The following SYNE1 variants were observed in gnomAD, a reference collection of about 807,000 sequenced individuals.
The protein encoded by SYNE1 is nesprin-1.
A neutral mutation model predicts 1,111.0 loss-of-function variants in SYNE1; 616 were observed. That is an observed-to-expected ratio of 0.55 (90% CI 0.52 to 0.59). The LOEUF (loss-of-function observed/expected upper bound fraction) is 0.59, where lower values mean the gene tolerates loss of function less well. Ranked by LOEUF, SYNE1 falls within the 20% of genes least tolerant of loss-of-function variation. The probability of loss-of-function intolerance (pLI) is 0.00; values close to 1 mark genes in which losing one functional copy is unlikely to be tolerated. For synonymous variants in SYNE1, 3,855 were observed against 3,825.8 expected, an observed-to-expected ratio of 1.01 and a Z score of -0.28; for missense variants, 10,006 against 10,417.0, an observed-to-expected ratio of 0.96 and a Z score of 1.72.
chr6:152,422,385 T>C (rs2098277042), intron 39 of SYNE1, among the ~76,000 whole-genome samples: 1 of 152,246 alleles, frequency 6.6e-6, no homozygotes. Flanking sequence ...TGATCTATTC[T>C]CAGGACTAAG....
intron 105 of SYNE1, 23 bp from the exon 106 acceptor site, chr6:152,244,679 T>C (rs1410747755): frequency 1.2e-6 from 2 of 1,613,582 alleles, no homozygotes; most frequent in Non-Finnish European, 1.7e-6. Flanking sequence ...CATGACATTT[T>C]ATTAAAACTC....
Position 152,234,733 on chromosome 6 carries a change from T to C in SYNE1, c.20464A>G (p.Thr6822Ala). The change falls in exon 111 of 146, where the codon ACT (threonine) becomes GCT (alanine). Residue 6822 changes from threonine to alanine, a missense_variant. Around this residue, in one of 7 missense-constraint regions of SYNE1, gnomAD observed 2,182 missense variants for 2,287.8 expected, o/e 0.95. Transcript: ENST00000367255. Reference sequence around the variant, plus strand: ...TGTGGGACTGTCACAGATTGCTGAGTCCAAAATTCTAGCCGGTCTTTTGCA... The same window carrying C: ...TGTGGGACTGTCACAGATTGCTGAGCCCAAAATTCTAGCCGGTCTTTTGCA... ...QSAKDRLEFW[T>A]QQSVTVPQEL... 1 of 1,614,194 alleles carries C rather than the reference T, an allele frequency of 6.2e-7. No homozygotes were observed. Among genetic ancestry groups the C allele is most frequent in the Non-Finnish European group, 8.5e-7 (1 of 1,180,028 alleles).
intron 3 of SYNE1, among the ~76,000 whole-genome samples, chr6:152,547,336 G>A (rs775725598): frequency 6.6e-6 from 1 of 152,242 alleles, no homozygotes; most frequent in Non-Finnish European, 1.5e-5. Flanking sequence ...AGGACACAAA[G>A]AGCCTATTAG....
At chr6:152,579,070 A>C (rs1348920227) in intron 3 of SYNE1, among the ~76,000 whole-genome samples, 4 of 152,210 alleles carry the variant, frequency 2.6e-5, no homozygotes, top group Non-Finnish European at 2.9e-5. Flanking sequence ...TTAGTAACTA[A>C]GAGTATTTCT....
rs1480694776 is a variant in SYNE1, at chr6:152,596,266, G to GTTTTTTT, written c.67+31998_67+31999insAAAAAAA. 6.7e-5 allele frequency among the ~76,000 whole-genome samples: 8 copies of GTTTTTTT among 118,732 alleles called. 1 individual carries two copies. Among genetic ancestry groups the GTTTTTTT allele is most frequent in the African/African-American group, 3.2e-4 (8 of 25,064 alleles). 77.9% of individuals were successfully genotyped at this position (118,732 alleles called of 152,430 possible). A position where few individuals can be genotyped will look rare whatever the true frequency, so the allele number is the denominator to read the frequency against. ...AAGTTATGATTACAGTTTTTTGTTT[G>GTTTTTTT]TTTGTTTTTTTTTTTTTTTGAGATG... On this transcript the variant is annotated intron_variant, in intron 3 of 145. Transcript: ENST00000367255.
chr6:152,210,593 T>C (rs2077346243), intron 124 of SYNE1, among the ~76,000 whole-genome samples: 1 of 152,008 alleles, frequency 6.6e-6, no homozygotes. Context: ...AAGACAAAAC[T>C]CTCAATAAAA....
At chr6:152,224,107 G>A (rs192052748) in intron 117 of SYNE1, among the ~76,000 whole-genome samples, 6 of 152,246 alleles carry the variant, frequency 3.9e-5, no homozygotes, top group Admixed American at 2.6e-4. Context: ...CACTTTTGCC[G>A]TTTTTCTCTG....
chr6:152,183,634 T>A (rs1044685270), intron 128 of SYNE1, among the ~76,000 whole-genome samples: 1 of 152,172 alleles, frequency 6.6e-6, no homozygotes, highest in Non-Finnish European at 1.5e-5. Context: ...CCCTTCAGAC[T>A]GAAGATGAAC....
intron 133 of SYNE1, among the ~76,000 whole-genome samples, chr6:152,152,901 T>G (rs1436382804): frequency 6.6e-6 from 1 of 152,178 alleles, no homozygotes; most frequent in Non-Finnish European, 1.5e-5. Context: ...GTTTAGAGAT[T>G]CTGAAGGTAA....
chr6:152,135,478 T>C (rs1036713593), intron 141 of SYNE1, among the ~76,000 whole-genome samples: 18 of 152,142 alleles, frequency 1.2e-4, no homozygotes, highest in Admixed American at 3.3e-4. Flanking sequence ...CAACATACGT[T>C]ATTTCTGAAA....
At chr6:152,225,616 A>G (rs886622739) in intron 116 of SYNE1, 105 bp downstream of exon 116, 10 of 1,357,564 alleles carry the variant, frequency 7.4e-6, no homozygotes, top group African/African-American at 1.4e-5. Flanking sequence ...GAGATAATGT[A>G]TAGATTTGAT....
chr6:152,553,109 C>G (rs1157580818), intron 3 of SYNE1, among the ~76,000 whole-genome samples: 1 of 152,034 alleles, frequency 6.6e-6, no homozygotes, highest in African/African-American at 2.4e-5. Context: ...TTGCAATAAC[C>G]GTATGAGAAA....
chr6:152,159,788 T>C (rs1458995346), intron 131 of SYNE1, among the ~76,000 whole-genome samples: 1 of 152,136 alleles, frequency 6.6e-6, no homozygotes, highest in Non-Finnish European at 1.5e-5. Flanking sequence ...TATTTCTCAG[T>C]AATATATAAC....
chr6:152,145,500 G>T (rs749315981), intron 137 of SYNE1: 26 of 1,613,850 alleles, frequency 1.6e-5, no homozygotes, highest in South Asian at 5.5e-5. Context: ...AGGTATTTTT[G>T]ATTGCATTTT....
chr6:152,275,942 A>T (rs1327646364), intron 98 of SYNE1, among the ~76,000 whole-genome samples: 1 of 149,676 alleles, frequency 6.7e-6, no homozygotes, highest in African/African-American at 2.5e-5. Flanking sequence ...ATCCCTCAAA[A>T]CTCTTCATTT....
Position 152,180,133 on chromosome 6 carries a change from T to C in SYNE1, c.23460+3A>G. On this transcript the variant is annotated splice_donor_region_variant and intron_variant, in intron 129 of 145. Coordinates refer to ENST00000367255, the MANE Select transcript of SYNE1 (RefSeq NM_182961.4). ...AAAACCTAAGTAGCCATGCATTCCA[T>C]ACCTTCTTGAGCTTCTCTATCATTT... The C allele has an allele frequency of 6.2e-7, 1 of 1,614,096 alleles. No individual in the cohort carries two copies. The highest frequency in any genetic ancestry group is 8.5e-7 in the Non-Finnish European group (1 of 1,179,986).
intron 63 of SYNE1, 108 bp downstream of exon 63, chr6:152,364,739 A>AGGAG (rs2097031199): frequency 1.5e-6 from 2 of 1,313,304 alleles, no homozygotes; most frequent in Non-Finnish European, 2.2e-6. Context: ...GGAGGAAGGA[A>AGGAG]AGGAAAGGGA....
At chr6:152,300,922 T>G in intron 92 of SYNE1, 141 bp from the exon 93 acceptor site, 4 of 1,161,520 alleles carry the variant, frequency 3.4e-6, no homozygotes, top group Non-Finnish European at 5.0e-6. Flanking sequence ...ATATTAATCC[T>G]GTGTTAGTAT....
At chr6:152,315,048 G>C (rs1447876381) in intron 87 of SYNE1, 1 of 149,906 alleles carries the variant, frequency 6.7e-6, no homozygotes, top group Non-Finnish European at 1.5e-5. Flanking sequence ...TTTATTATAT[G>C]CAAATATTTA....
Sources: gnomAD v4.1 joint callset for allele counts (sites outside exome capture counted in the v4.1 genomes callset) on GRCh38, gnomAD v4.1.1 for gene constraint, gnomAD v4.1.1 regional missense constraint, MANE v1.5 for transcripts, NCBI Gene and HGNC (gene_info 2026-07-23, HGNC 2026-07-21) for gene names.